COL4A3: variants seen among roughly 807,000 people sequenced by gnomAD.
COL4A3 encodes the protein collagen type IV alpha 3 chain, also known as collagen alpha-3(IV) chain.
Under a neutral mutation model 217.4 loss-of-function variants are expected in COL4A3, and 135 were observed. The ratio of observed to expected loss-of-function variants is 0.62; its 90% CI spans 0.54 to 0.72. COL4A3 has a LOEUF of 0.72. COL4A3 is among the 30% of genes least tolerant of loss of function. The probability of loss-of-function intolerance (pLI) is 0.00; values close to 1 mark genes in which losing one functional copy is unlikely to be tolerated. For synonymous variants in COL4A3, 690 were observed against 736.3 expected (o/e 0.94, Z 1.02); for missense variants, 1,868 against 2,119.9 (o/e 0.88, Z 2.33).
At chr2:227,277,615 T>C (rs999506475) in intron 28 of COL4A3, 62 bp downstream of exon 28, 1 of 954,348 alleles carries the variant, frequency 1.0e-6, no homozygotes, top group Admixed American at 2.1e-5. Flanking sequence ...TGTTCATATG[T>C]ATAAATAAAA....
At chr2:227,204,287 G>A (rs1467902145) in intron 1 of COL4A3, among the ~76,000 whole-genome samples, 2 of 152,152 alleles carry the variant, frequency 1.3e-5, no homozygotes, top group African/African-American at 4.8e-5. Context: ...TGTCACATGA[G>A]CATTCAATAA....
Position 227,246,670 on chromosome 2 carries a change from T to C in COL4A3, c.388-15T>C, listed in dbSNP as rs762513527. The stretch of plus-strand genomic sequence containing the variant: ...GAACAACTAAGAATAATAAGAAACT[T>C]TGTATGTCTTTTAGGGTGAGCAGGG... On this transcript the variant is annotated splice_polypyrimidine_tract_variant and intron_variant, in intron 6 of 51. Transcript: ENST00000396578. 8.1e-6 allele frequency: 13 copies of C among 1,602,290 alleles called. No individual in the cohort carries two copies. Among genetic ancestry groups the C allele is most frequent in the Middle Eastern group, 1.6e-4 (1 of 6,066 alleles).
Position 227,307,726 on chromosome 2 carries a change from T to C in COL4A3, c.4269T>C (p.Asp1423=), listed in dbSNP as rs372923451. 1 of 1,614,070 alleles carries C rather than the reference T, an allele frequency of 6.2e-7. No individual in the cohort carries two copies. Among genetic ancestry groups the C allele is most frequent in the African/African-American group, 1.3e-5 (1 of 74,930 alleles). ...TTTTTGAAGGACCAGCTGGATCAGATGGATTGCCAGGTTTGAAAGGAAAAC... is the reference window on the plus strand; with the variant it reads ...TTTTTGAAGGACCAGCTGGATCAGACGGATTGCCAGGTTTGAAAGGAAAAC... The part of the protein sequence containing the change: ...SKGEPGPAGS[D]GLPGLKGKRG... Residue 1423 remains aspartate (D), a synonymous_variant, in exon 48 of 52, where the codon GAT becomes GAC. Transcript: ENST00000396578.
chr2:227,194,295 A>G (rs2066385306), intron 1 of COL4A3, among the ~76,000 whole-genome samples: 1 of 152,208 alleles, frequency 6.6e-6, no homozygotes, highest in African/African-American at 2.4e-5. Flanking sequence ...TTCAACAGAC[A>G]AGTTATTTCC....
intron 15 of COL4A3, 139 bp from the exon 16 acceptor site, chr2:227,255,887 T>A: frequency 1.2e-6 from 1 of 825,212 alleles, no homozygotes; most frequent in Admixed American, 2.1e-5. Flanking sequence ...TTTTTCCTTC[T>A]AACACCTGGG....
rs902276073 is a variant in COL4A3, at chr2:227,283,860, A to G, written c.2746+4A>G. On this transcript the variant is annotated splice_donor_region_variant and intron_variant, in intron 33 of 51. Transcript: ENST00000396578. ...CCAGGCACACCAGGGCAGAGGGGTA[A>G]GTGATAGAGTGTCTTTCTAAATAGC... The G allele has an allele frequency of 6.2e-7, 1 of 1,605,448 alleles. No homozygotes were observed. Among genetic ancestry groups the G allele is most frequent in the Non-Finnish European group, 8.5e-7 (1 of 1,172,114 alleles).
rs765408537 is a variant in COL4A3, at chr2:227,283,873, C to T, written c.2746+17C>T. 2 of 1,584,808 alleles carry T rather than the reference C, an allele frequency of 1.3e-6. No individual in the cohort carries two copies. Among genetic ancestry groups the T allele is most frequent in the Non-Finnish European group, 1.7e-6 (2 of 1,153,532 alleles). On this transcript the variant is annotated intron_variant, in intron 33 of 51. Transcript: ENST00000396578. ...GGCAGAGGGGTAAGTGATAGAGTGT[C>T]TTTCTAAATAGCAGGAAGCATAAAC...
At chr2:227,220,419 G>A (rs1053717630) in intron 1 of COL4A3, among the ~76,000 whole-genome samples, 2 of 151,968 alleles carry the variant, frequency 1.3e-5, no homozygotes, top group Non-Finnish European at 2.9e-5. Context: ...CTGACCTCAA[G>A]TGATCCACCC....
At chr2:227,295,551 G>A (rs979722598) in intron 41 of COL4A3, among the ~76,000 whole-genome samples, 1 of 152,176 alleles carries the variant, frequency 6.6e-6, no homozygotes, top group Non-Finnish European at 1.5e-5. Flanking sequence ...AGAAAGTCTT[G>A]AAAAGTAAAA....
At chr2:227,256,484 G>A (rs776242070) in intron 17 of COL4A3, 88 bp downstream of exon 17, 4 of 1,050,122 alleles carry the variant, frequency 3.8e-6, no homozygotes, top group Non-Finnish European at 6.0e-6. Flanking sequence ...TAAGTACAAG[G>A]GATTACAATA....
chr2:227,229,935 C>T (rs1236315077), intron 1 of COL4A3, among the ~76,000 whole-genome samples: 5 of 151,634 alleles, frequency 3.3e-5, no homozygotes, highest in African/African-American at 9.7e-5. Context: ...CCTATAGTCC[C>T]AGCTACTCGG....
intron 1 of COL4A3, among the ~76,000 whole-genome samples, chr2:227,185,030 T>G (rs1388136997): frequency 1.3e-5 from 2 of 150,870 alleles, no homozygotes; most frequent in East Asian, 4.0e-4. Flanking sequence ...GCCTCCCGAA[T>G]AGCTGGGACT....
At chr2:227,237,848 G>A (rs1438204128) in intron 1 of COL4A3, 120 bp from the exon 2 acceptor site, 4 of 747,696 alleles carry the variant, frequency 5.3e-6, no homozygotes, top group Non-Finnish European at 9.9e-6. Context: ...AAGGTCACCT[G>A]GCTCCTAACA....
chr2:227,306,709 C>T (rs2073516010), intron 47 of COL4A3, among the ~76,000 whole-genome samples: 1 of 152,086 alleles, frequency 6.6e-6, no homozygotes, highest in Non-Finnish European at 1.5e-5. Flanking sequence ...GTCCTGACTT[C>T]CGAGTCAGGA....
intron 1 of COL4A3, among the ~76,000 whole-genome samples, chr2:227,225,188 G>A (rs2068021324): frequency 1.3e-5 from 2 of 152,208 alleles, no homozygotes; most frequent in Admixed American, 1.3e-4. Flanking sequence ...TAACAGGTGT[G>A]AGCCACCTGG....
At chr2:227,220,463 G>A (rs180813224) in intron 1 of COL4A3, among the ~76,000 whole-genome samples, 18 of 150,192 alleles carry the variant, frequency 1.2e-4, no homozygotes, top group Admixed American at 3.3e-4. Context: ...GATTGCAGGC[G>A]TGAGCCACTG....
Position 227,248,495 on chromosome 2 carries a change from G to T in COL4A3, c.521G>T (p.Gly174Val). Residue 174 changes from glycine to valine, a missense_variant, in exon 9 of 52, where the codon GGG becomes GTG. Around this residue, in one of 2 missense-constraint regions of COL4A3, gnomAD observed 365 missense variants for 333.8 expected, o/e 1.09. Transcript: ENST00000396578. Reference protein sequence around the residue: ...DIELDAKGDPGLPGAPGPQGL... With the variant: ...DIELDAKGDPVLPGAPGPQGL... ...GAACTTGATGCAAAAGGCGACCCCG[G>T]GTTGCCAGGGGCTCCAGGACCCCAG... 6.2e-7 allele frequency: 1 copy of T among 1,613,316 alleles called. No individual in the cohort carries two copies.
chr2:227,186,103 C>T (rs549573701), intron 1 of COL4A3, among the ~76,000 whole-genome samples: 4 of 152,296 alleles, frequency 2.6e-5, no homozygotes, highest in African/African-American at 2.4e-5. Flanking sequence ...GTGTTAGTCA[C>T]GCCTTCTGTT....
chr2:227,252,586 GCACACA>G (rs59472907), intron 11 of COL4A3, among the ~76,000 whole-genome samples: 61,850 of 146,158 alleles, frequency 0.42, 13,154 homozygotes, highest in East Asian at 0.55. Context: ...ACACACAAAT[GCACACA>G]CACACACACA....
Sources: allele counts gnomAD v4.1 joint callset (sites outside exome capture counted in the v4.1 genomes callset), GRCh38; gene constraint gnomAD v4.1.1; regional missense constraint gnomAD v4.1.1; transcripts MANE v1.5; gene names NCBI Gene and HGNC (gene_info 2026-07-23, HGNC 2026-07-21).